The following MDGA2 variants were observed in gnomAD, a reference collection of about 807,000 sequenced individuals.
MDGA2 encodes the protein MAM domain containing glycosylphosphatidylinositol anchor 2, also known as MAM domain-containing glycosylphosphatidylinositol anchor protein 2.
Under a neutral mutation model 117.8 loss-of-function variants are expected in MDGA2, and 40 were observed. The ratio of observed to expected loss-of-function variants is 0.34; its 90% CI spans 0.26 to 0.44. The LOEUF (loss-of-function observed/expected upper bound fraction) is 0.44. Ranked by LOEUF, MDGA2 falls within the 20% of genes least tolerant of loss-of-function variation. MDGA2 has a pLI of 1.00. For missense variants in MDGA2, 1,123 were observed against 1,250.6 expected (o/e 0.90, Z 1.54); for synonymous variants, 452 against 439.0 (o/e 1.03, Z -0.37).
At chr14:46,917,742 TA>T (rs1301388800) in intron 10 of MDGA2, among the ~76,000 whole-genome samples, 5 of 152,022 alleles carry the variant, frequency 3.3e-5, no homozygotes, top group East Asian at 1.9e-4. Context: ...AGTTTTATGA[TA>T]AAAAATATAA....
chr14:47,645,305 G>A (rs2138255597), intron 1 of MDGA2, among the ~76,000 whole-genome samples: 1 of 151,390 alleles, frequency 6.6e-6, no homozygotes, highest in African/African-American at 2.4e-5. Flanking sequence ...GTGCGGTGGC[G>A]CGATATCGGC....
chr14:47,630,082 T>TA (rs540464338), intron 1 of MDGA2, among the ~76,000 whole-genome samples: 159 of 140,844 alleles, frequency 1.1e-3, no homozygotes, highest in Admixed American at 3.1e-3. Context: ...CTTCTGATAC[T>TA]AAAAAAAAAA....
intron 1 of MDGA2, among the ~76,000 whole-genome samples, chr14:47,592,593 C>A (rs572976447): frequency 6.6e-6 from 1 of 152,222 alleles, no homozygotes; most frequent in African/African-American, 2.4e-5. Context: ...ACATCTACAA[C>A]AATCTGATCT....
chr14:47,293,208 C>T (rs1466809310), intron 2 of MDGA2, among the ~76,000 whole-genome samples: 4 of 152,176 alleles, frequency 2.6e-5, no homozygotes, highest in African/African-American at 9.7e-5. Flanking sequence ...AACATTCCCA[C>T]CTCCCTGAGT....
chr14:47,331,072 T>A (rs1280737345), intron 1 of MDGA2, among the ~76,000 whole-genome samples: 3 of 151,870 alleles, frequency 2.0e-5, no homozygotes, highest in Non-Finnish European at 4.4e-5. Flanking sequence ...AACCAGCAAC[T>A]TTTTTATAAT....
At chr14:46,847,349 C>G (rs936026187) in intron 15 of MDGA2, among the ~76,000 whole-genome samples, 6 of 152,098 alleles carry the variant, frequency 3.9e-5, no homozygotes, top group Admixed American at 3.3e-4. Flanking sequence ...CCAAAGCCAT[C>G]TCTTTGAAAG....
intron 3 of MDGA2, among the ~76,000 whole-genome samples, chr14:47,182,959 G>C (rs965619165): frequency 6.6e-6 from 1 of 151,828 alleles, no homozygotes. Flanking sequence ...CATGATTTTA[G>C]CTTTAATCTA....
intron 3 of MDGA2, among the ~76,000 whole-genome samples, chr14:47,177,094 A>G (rs900280314): frequency 3.3e-5 from 5 of 152,208 alleles, no homozygotes; most frequent in African/African-American, 1.2e-4. Flanking sequence ...AATCAAAACC[A>G]CAATGAGATA....
chr14:47,513,759 G>T (rs569976909), intron 1 of MDGA2, among the ~76,000 whole-genome samples: 1 of 152,002 alleles, frequency 6.6e-6, no homozygotes, highest in Non-Finnish European at 1.5e-5. Flanking sequence ...TATATTCTGA[G>T]TTAAAAATTA....
chr14:47,363,622 T>C (rs1460420005), intron 1 of MDGA2, among the ~76,000 whole-genome samples: 1 of 152,138 alleles, frequency 6.6e-6, no homozygotes, highest in Non-Finnish European at 1.5e-5. Context: ...CTCATTGAAT[T>C]ATAATAAAAA....
At chr14:47,098,600 A>T (rs770785480) in intron 5 of MDGA2, among the ~76,000 whole-genome samples, 3 of 151,898 alleles carry the variant, frequency 2.0e-5, no homozygotes, top group Non-Finnish European at 4.4e-5. Context: ...ATATTCTGAA[A>T]ATAGATATTA....
Position 47,470,114 on chromosome 14 carries a change from A to T in MDGA2, c.281-168564T>A, listed in dbSNP as rs536078496. Among the ~76,000 whole-genome samples, 425 of 95,314 alleles carry T rather than the reference A, an allele frequency of 4.5e-3. 1 individual carries two copies. Among genetic ancestry groups the T allele is most frequent in the African/African-American group, 0.013 (402 of 30,430 alleles). The allele number at this position is 95,314 out of a possible 152,430, so 62.5% of individuals were successfully genotyped here. ...TTTTCATCTTTTTATTTATTTATTT[A>T]TTTTTATTTTTTTTTTGATGCTTTC... On this transcript the variant is annotated intron_variant, in intron 1 of 16. Transcript: ENST00000399232.
intron 1 of MDGA2, among the ~76,000 whole-genome samples, chr14:47,463,781 A>T (rs1173569753): frequency 1.3e-5 from 2 of 152,098 alleles, no homozygotes; most frequent in Non-Finnish European, 2.9e-5. Context: ...CATCTCATTT[A>T]ATCATCATAT....
chr14:46,907,571 C>T (rs1231619390), intron 10 of MDGA2, among the ~76,000 whole-genome samples: 4 of 152,052 alleles, frequency 2.6e-5, no homozygotes, highest in South Asian at 4.1e-4. Context: ...ATTTGATTTC[C>T]ATATGTATAA....
intron 7 of MDGA2, among the ~76,000 whole-genome samples, chr14:47,038,181 C>T (rs2138662933): frequency 6.6e-6 from 1 of 152,308 alleles, no homozygotes; most frequent in Non-Finnish European, 1.5e-5. Context: ...ATCTACCCTC[C>T]TCGGCCTCCC....
chr14:46,841,220 G>C lies in MDGA2; in HGVS notation c.*711C>G, dbSNP rs983257778. The C allele has an allele frequency of 5.9e-5, 9 of 152,612 alleles. No homozygotes were observed. Among genetic ancestry groups the C allele is most frequent in the African/African-American group, 9.6e-5 (4 of 41,524 alleles). The allele number at this position is 152,612 out of a possible 1,614,324, so 9.5% of individuals were successfully genotyped here. On this transcript the variant is annotated 3_prime_UTR_variant, in exon 17 of 17. Transcript: ENST00000399232. Reference sequence around the variant, plus strand: ...GCCGCAAGCAAACTCCGATAAGCCTGTGTAACATGTAAGCCCAGGTTTACC... The same window carrying C: ...GCCGCAAGCAAACTCCGATAAGCCTCTGTAACATGTAAGCCCAGGTTTACC...
At chr14:47,533,487 A>G (rs1895143563) in intron 1 of MDGA2, among the ~76,000 whole-genome samples, 1 of 152,222 alleles carries the variant, frequency 6.6e-6, no homozygotes, top group Non-Finnish European at 1.5e-5. Context: ...ACATAAATTC[A>G]TCTGGGACTA....
chr14:47,084,996 A>G (rs1890845724), intron 6 of MDGA2, among the ~76,000 whole-genome samples: 1 of 152,178 alleles, frequency 6.6e-6, no homozygotes, highest in South Asian at 2.1e-4. Context: ...AGCCAATAAC[A>G]AAAATATAAT....
At chr14:46,959,530 CTTT>C (rs71112474) in intron 8 of MDGA2, among the ~76,000 whole-genome samples, 5,353 of 151,898 alleles carry the variant, frequency 0.035, 139 homozygotes, top group Non-Finnish European at 0.053. Flanking sequence ...GTCTGTCAAT[CTTT>C]TTTTAACCCA....
Sources: allele counts gnomAD v4.1 joint callset (sites outside exome capture counted in the v4.1 genomes callset), GRCh38; gene constraint gnomAD v4.1.1; transcripts MANE v1.5; gene names NCBI Gene and HGNC (gene_info 2026-07-23, HGNC 2026-07-21).